PPM1E: variants seen among roughly 807,000 people sequenced by gnomAD.
PPM1E encodes protein phosphatase 1E.
A neutral mutation model predicts 65.9 loss-of-function variants in PPM1E; 20 were observed. That is an observed-to-expected ratio of 0.30 (90% confidence interval 0.21 to 0.44). The LOEUF (loss-of-function observed/expected upper bound fraction) is 0.44. PPM1E is among the 20% of genes least tolerant of loss of function. The pLI, the probability that PPM1E is intolerant of heterozygous loss-of-function variation, is 1.00. For missense variants in PPM1E, 713 were observed against 953.1 expected (o/e 0.75, Z 3.32); for synonymous variants, 352 against 374.9 (o/e 0.94, Z 0.70).
At chr17:58,801,779 CAG>C (rs1392238979) in intron 1 of PPM1E, among the ~76,000 whole-genome samples, 1 of 146,286 alleles carries the variant, frequency 6.8e-6, no homozygotes, top group African/African-American at 2.5e-5. Flanking sequence ...TTTTTTGAGA[CAG>C]AGTCTTGCTC....
At chr17:58,826,717 C>G (rs563864000) in intron 1 of PPM1E, among the ~76,000 whole-genome samples, 30 of 152,080 alleles carry the variant, frequency 2.0e-4, no homozygotes, top group African/African-American at 6.7e-4. Flanking sequence ...CCTCTGCCTC[C>G]CAGGTTCAAG....
At chr17:58,956,288 T>TTAGCCGGTGTAG (rs1423591160) in intron 2 of PPM1E, among the ~76,000 whole-genome samples, 1 of 151,810 alleles carries the variant, frequency 6.6e-6, no homozygotes, top group Non-Finnish European at 1.5e-5. Context: ...AATACAAAAA[T>TTAGCCGGTGTAG]TAGCCGGTGT....
At chr17:58,795,184 G>A (rs1037745439) in intron 1 of PPM1E, among the ~76,000 whole-genome samples, 11 of 151,968 alleles carry the variant, frequency 7.2e-5, no homozygotes, top group Admixed American at 3.3e-4. Context: ...GATCCACCAC[G>A]CCCAACCTAC....
intron 1 of PPM1E, among the ~76,000 whole-genome samples, chr17:58,870,246 A>G (rs753610050): frequency 5.3e-5 from 8 of 152,110 alleles, no homozygotes; most frequent in Non-Finnish European, 7.4e-5. Context: ...ATTTTAGACA[A>G]TTTTTTCATT....
chr17:58,838,815 G>T (rs1410885771), intron 1 of PPM1E, among the ~76,000 whole-genome samples: 1 of 152,152 alleles, frequency 6.6e-6, no homozygotes, highest in Non-Finnish European at 1.5e-5. Flanking sequence ...CCAAACTATT[G>T]TGATACATTC....
In PPM1E at chr17:58,756,477, T is replaced by C. The variant is rs552792045; in HGVS notation, c.464+16T>C. ...TCTACAAATAGTTAAGTAGCTGGGC[T>C]TGGCTGGTGGTGGGCCCGCGGTCCC... On this transcript the variant is annotated intron_variant, in intron 1 of 6. Transcript: ENST00000308249. 6 of 1,274,186 alleles carry C rather than the reference T, an allele frequency of 4.7e-6. No homozygotes were observed. In the Admixed American group the frequency reaches 2.1e-4, roughly 44 times the overall value. 78.9% of individuals were successfully genotyped at this position (1,274,186 alleles called of 1,614,324 possible). A position where few individuals can be genotyped will look rare whatever the true frequency, so the allele number is the denominator to read the frequency against.
chr17:58,902,958 G>A (rs1228366090), intron 1 of PPM1E, among the ~76,000 whole-genome samples: 1 of 152,006 alleles, frequency 6.6e-6, no homozygotes, highest in Admixed American at 6.6e-5. Flanking sequence ...GCCCAACCTG[G>A]TAAAATATAG....
intron 1 of PPM1E, among the ~76,000 whole-genome samples, chr17:58,772,453 T>C (rs2049949029): frequency 7.2e-6 from 1 of 139,704 alleles, no homozygotes; most frequent in African/African-American, 2.6e-5. Context: ...AGACTCCATC[T>C]AAAAAAAAAA....
At chr17:58,805,969 AAAAACAAAAAAAAAAC>A (rs2050305313) in intron 1 of PPM1E, among the ~76,000 whole-genome samples, 10 of 118,366 alleles carry the variant, frequency 8.4e-5, no homozygotes, top group South Asian at 3.1e-4. Context: ...AACAAAAAAA[AAAAACAAAAAAAAAAC>A]AAAACAAAAC....
chr17:58,964,673 G>A (rs1031434351), intron 2 of PPM1E, among the ~76,000 whole-genome samples: 13 of 152,178 alleles, frequency 8.5e-5, no homozygotes, highest in African/African-American at 2.7e-4. Context: ...TAGTATTAAA[G>A]TTTTAACTCA....
chr17:58,972,873 C>G lies in PPM1E; in HGVS notation c.1158C>G (p.Val386=), dbSNP rs2030728971. 6.2e-7 allele frequency: 1 copy of G among 1,613,044 alleles called. No homozygotes were observed. The highest frequency in any genetic ancestry group is 1.7e-5 in the Admixed American group (1 of 59,968). The change falls in exon 6 of 7, where the codon GTC becomes GTG. Residue 386 remains valine, a synonymous_variant. Transcript: ENST00000308249. Reference sequence around the variant, plus strand: ...TTGAGGCCCTTGGAGGTTGCGTAGTCTGGTTTGGTGCCTGGAGGGTGAATG... The same window carrying G: ...TTGAGGCCCTTGGAGGTTGCGTAGTGTGGTTTGGTGCCTGGAGGGTGAATG... ...QRIEALGGCV[V]WFGAWRVNGS...
At chr17:58,953,371 G>A (rs561569485) in intron 1 of PPM1E, among the ~76,000 whole-genome samples, 4 of 152,206 alleles carry the variant, frequency 2.6e-5, no homozygotes, top group Non-Finnish European at 2.9e-5. Flanking sequence ...GCAAAAGGGA[G>A]CCCTCATGTG....
intron 4 of PPM1E, among the ~76,000 whole-genome samples, chr17:58,970,876 C>A (rs957985126): frequency 6.6e-6 from 1 of 151,926 alleles, no homozygotes; most frequent in African/African-American, 2.4e-5. Context: ...AGAGGTGACC[C>A]GTAATCATCA....
intron 6 of PPM1E, among the ~76,000 whole-genome samples, chr17:58,978,316 C>A (rs2031145940): frequency 6.6e-6 from 1 of 152,102 alleles, no homozygotes; most frequent in African/African-American, 2.4e-5. Flanking sequence ...GAGTTTATTT[C>A]TTGTTTTTAT....
At chr17:58,888,965 A>G (rs936944610) in intron 1 of PPM1E, among the ~76,000 whole-genome samples, 1 of 152,150 alleles carries the variant, frequency 6.6e-6, no homozygotes, top group African/African-American at 2.4e-5. Context: ...TTCAGGGTCT[A>G]TGTGTTCTCT....
intron 1 of PPM1E, among the ~76,000 whole-genome samples, chr17:58,949,777 T>C (rs1367509681): frequency 6.6e-6 from 1 of 152,214 alleles, no homozygotes; most frequent in Non-Finnish European, 1.5e-5. Context: ...CCCTTGAACA[T>C]TTCTCTTGGA....
intron 6 of PPM1E, among the ~76,000 whole-genome samples, chr17:58,975,528 G>C (rs1310315479): frequency 6.6e-6 from 1 of 152,142 alleles, no homozygotes; most frequent in African/African-American, 2.4e-5. Context: ...TTCATACATA[G>C]AGTGACTTTT....
Position 58,980,482 on chromosome 17 carries a change from A to G in PPM1E, c.1719A>G (p.Thr573=), listed in dbSNP as rs377220140. 6 of 1,614,084 alleles carry G rather than the reference A, an allele frequency of 3.7e-6. No individual in the cohort carries two copies. The African/African-American group carries it at 8.0e-5, about 22-fold the overall frequency. Residue 573 remains threonine, a synonymous_variant, in exon 7 of 7, where the codon ACA becomes ACG. Transcript: ENST00000308249. The surrounding 1 kb of genome is among the most constrained non-coding windows in gnomAD (Gnocchi z 4.7). ...VLEDPGYLDL[T]QIEASKPHSA... is the part of the protein sequence containing the mutation. ...AAGACCCAGGCTACCTAGATCTCAC[A>G]CAAATAGAAGCAAGCAAACCTCACA...
intron 1 of PPM1E, chr17:58,951,408 G>A (rs1402731676): frequency 6.6e-6 from 1 of 152,222 alleles, no homozygotes; most frequent in East Asian, 1.9e-4. Context: ...GCCAGGTGTG[G>A]TGGCTCACAC....
Sources: gnomAD v4.1 joint callset for allele counts (sites outside exome capture counted in the v4.1 genomes callset) on GRCh38, gnomAD v4.1.1 for gene constraint, Gnocchi (gnomAD v3.1) non-coding constraint, MANE v1.5 for transcripts, NCBI Gene and HGNC (gene_info 2026-07-23, HGNC 2026-07-21) for gene names.